Variants in RNFT2 observed in about 807,000 individuals in gnomAD.
The protein encoded by RNFT2 is E3 ubiquitin-protein ligase RNFT2.
In RNFT2, 36 loss-of-function variants were observed where a neutral mutation model predicts 53.0. The observed-to-expected ratio is 0.68, with a 90% CI of 0.52 to 0.90. The LOEUF (loss-of-function observed/expected upper bound fraction) is 0.90. Ranked by LOEUF, RNFT2 falls within the 40% of genes least tolerant of loss-of-function variation. The pLI is 0.00. For synonymous variants in RNFT2, 260 were observed against 253.2 expected, an observed-to-expected ratio of 1.03 and a Z score of -0.26; for missense variants, 514 against 585.6, an observed-to-expected ratio of 0.88 and a Z score of 1.26.
intron 7 of RNFT2, among the ~76,000 whole-genome samples, chr12:116,822,872 C>T (rs1198959038): frequency 6.6e-6 from 1 of 152,156 alleles, no homozygotes; most frequent in Non-Finnish European, 1.5e-5. Flanking sequence ...TGGTGCACGC[C>T]TATAATCCCA....
chr12:116,750,861 ATATATATATAATATATATAT>A (rs1566069443), intron 4 of RNFT2, among the ~76,000 whole-genome samples: 665 of 9,350 alleles, frequency 0.071, 66 homozygotes, highest in African/African-American at 0.33. Context: ...AATATATATT[ATATATATATAATATATATAT>A]TATATATATA....
At chr12:116,808,010 C>T (rs1354329980) in intron 7 of RNFT2, among the ~76,000 whole-genome samples, 2 of 152,100 alleles carry the variant, frequency 1.3e-5, no homozygotes, top group African/African-American at 4.8e-5. Flanking sequence ...CTCTTGTTGC[C>T]CAGGCTGGAG....
intron 10 of RNFT2, among the ~76,000 whole-genome samples, chr12:116,837,158 C>CCCT (rs957621712): frequency 6.6e-6 from 1 of 152,002 alleles, no homozygotes; most frequent in Non-Finnish European, 1.5e-5. Context: ...CTAAATGCAT[C>CCCT]CCTCCTCCTC....
chr12:116,829,284 C>G (rs1876508485), intron 7 of RNFT2, among the ~76,000 whole-genome samples: 1 of 152,124 alleles, frequency 6.6e-6, no homozygotes, highest in Admixed American at 6.5e-5. Context: ...CCATCATGCC[C>G]TTGTCCATGT....
At chr12:116,843,492 CAAAAAAA>C (rs35687933) in intron 10 of RNFT2, among the ~76,000 whole-genome samples, 1 of 65,132 alleles carries the variant, frequency 1.5e-5, no homozygotes, top group East Asian at 6.0e-4. Context: ...GACTGTGTCT[CAAAAAAA>C]AAAAAAAAAA....
chr12:116,842,042 G>A (rs1158140548), intron 10 of RNFT2, among the ~76,000 whole-genome samples: 5 of 147,368 alleles, frequency 3.4e-5, no homozygotes, highest in African/African-American at 1.3e-4. Flanking sequence ...CTTACAGGCT[G>A]CAGTCAAGGT....
intron 7 of RNFT2, among the ~76,000 whole-genome samples, chr12:116,828,810 T>C (rs1440489161): frequency 6.6e-6 from 1 of 151,248 alleles, no homozygotes; most frequent in Non-Finnish European, 1.5e-5. Flanking sequence ...GAAACAAGAG[T>C]GATCTAGGGG....
chr12:116,754,641 T>G (rs1036006155), intron 5 of RNFT2, among the ~76,000 whole-genome samples: 2 of 152,174 alleles, frequency 1.3e-5, no homozygotes, highest in South Asian at 2.1e-4. Flanking sequence ...GCATTCACAC[T>G]AGCATCTATT....
At chr12:116,821,858 C>T (rs1280422010) in intron 7 of RNFT2, among the ~76,000 whole-genome samples, 6 of 117,132 alleles carry the variant, frequency 5.1e-5, no homozygotes, top group African/African-American at 7.5e-5. Flanking sequence ...ACTCTGTCGC[C>T]CAGGCTGGAG....
chr12:116,798,214 A>G (rs1248463816), intron 7 of RNFT2, among the ~76,000 whole-genome samples: 2 of 148,142 alleles, frequency 1.4e-5, no homozygotes, highest in Admixed American at 1.3e-4. Flanking sequence ...AAACAGAACG[A>G]GACTCTGTCT....
intron 7 of RNFT2, among the ~76,000 whole-genome samples, chr12:116,787,996 C>T (rs1300709940): frequency 2.0e-5 from 3 of 152,170 alleles, no homozygotes; most frequent in Non-Finnish European, 4.4e-5. Flanking sequence ...GGCGCAATCT[C>T]GGCTCACCAC....
chr12:116,771,357 G>A (rs1293988931), intron 6 of RNFT2, among the ~76,000 whole-genome samples: 1 of 150,638 alleles, frequency 6.6e-6, no homozygotes, highest in Non-Finnish European at 1.5e-5. Flanking sequence ...CTACCCTGGA[G>A]ACTAGGGTGG....
chr12:116,752,444 T>C (rs1256528679), intron 4 of RNFT2, among the ~76,000 whole-genome samples: 1 of 152,172 alleles, frequency 6.6e-6, no homozygotes, highest in Non-Finnish European at 1.5e-5. Context: ...AGGTTTTTTT[T>C]GTTTTGTTTT....
chr12:116,750,421 A>G, intron 4 of RNFT2, 114 bp downstream of exon 4: 2 of 987,400 alleles, frequency 2.0e-6, no homozygotes, highest in Non-Finnish European at 3.0e-6. Context: ...AGAGACCAAC[A>G]TGGGCTTCAG....
In RNFT2 at chr12:116,750,018, G is replaced by T; in HGVS notation, c.261G>T (p.Val87=). The part of the protein sequence containing the change: ...VLGSSAGGGD[V]FIQMPASREE... Reference sequence around the variant, plus strand: ...GCTCCTCGGCTGGCGGCGGGGACGTGTTCATCCAGATGCCCGCGTCCAGGG... The same window carrying T: ...GCTCCTCGGCTGGCGGCGGGGACGTTTTCATCCAGATGCCCGCGTCCAGGG... The change falls in exon 4 of 11, where the codon GTG becomes GTT. Residue 87 remains valine, a synonymous_variant. Transcript: ENST00000257575. 1 of 1,554,384 alleles carries T rather than the reference G, an allele frequency of 6.4e-7. No homozygotes were observed. The highest frequency in any genetic ancestry group is 1.2e-5 in the South Asian group (1 of 84,404).
At chr12:116,775,433 C>A (rs1234022074) in intron 6 of RNFT2, among the ~76,000 whole-genome samples, 1 of 152,194 alleles carries the variant, frequency 6.6e-6, no homozygotes, top group African/African-American at 2.4e-5. Flanking sequence ...CTTCATGAAG[C>A]CCTTGCTAAG....
rs762535675 is a variant in RNFT2 at position 116,750,300 on chromosome 12, T to C, written c.543T>C (p.His181=). ...LILLAKLCFQ[H]KLGIAVCIGM... is the part of the protein sequence containing the mutation. ...TCCTGGCCAAACTGTGCTTTCAGCA[T>C]AAGCTCGGTGAGTTCTGGGGGCATG... The change falls in exon 4 of 11, where the codon CAT becomes CAC. Residue 181 remains histidine (H), a synonymous_variant. Transcript: ENST00000257575. 1 of 1,599,676 alleles carries C rather than the reference T, an allele frequency of 6.3e-7. No homozygotes were observed. The highest frequency in any genetic ancestry group is 1.7e-5 in the Admixed American group (1 of 59,590).
At chr12:116,795,977 C>T (rs112665314) in intron 7 of RNFT2, among the ~76,000 whole-genome samples, 9 of 152,058 alleles carry the variant, frequency 5.9e-5, no homozygotes, top group African/African-American at 1.7e-4. Flanking sequence ...GGTGCAATCT[C>T]GGCTCACTGA....
intron 7 of RNFT2, among the ~76,000 whole-genome samples, chr12:116,828,454 A>T (rs1259562573): frequency 6.6e-6 from 1 of 152,160 alleles, no homozygotes; most frequent in Admixed American, 6.5e-5. Context: ...CCATGCCTCA[A>T]TTCTGGGGCC....
Sources: allele counts gnomAD v4.1 joint callset (sites outside exome capture counted in the v4.1 genomes callset), GRCh38; gene constraint gnomAD v4.1.1; transcripts MANE v1.5; gene names NCBI Gene and HGNC (gene_info 2026-07-23, HGNC 2026-07-21).